EXOC2: variants seen among roughly 807,000 people sequenced by gnomAD.
The protein encoded by EXOC2 is SEC5-like 1.
In EXOC2, 70 loss-of-function variants were observed where a neutral mutation model predicts 131.8. The ratio of observed to expected loss-of-function variants is 0.53; its 90% CI spans 0.44 to 0.65. The LOEUF (loss-of-function observed/expected upper bound fraction) is 0.65. Ranked by LOEUF, EXOC2 falls within the 30% of genes least tolerant of loss-of-function variation. The pLI is 0.00. For missense variants in EXOC2, 923 were observed against 1,108.6 expected, an observed-to-expected ratio of 0.83 and a Z score of 2.38; for synonymous variants, 411 against 398.4, an observed-to-expected ratio of 1.03 and a Z score of -0.38.
chr6:637,465 C>T (rs2073006), intron 2 of EXOC2, among the ~76,000 whole-genome samples: 17,279 of 152,248 alleles, frequency 0.11, 1,191 homozygotes, highest in East Asian at 0.17. Context: ...CAAATCTCAG[C>T]CCTGGGAAAC....
chr6:614,639 CA>C (rs1760890179), intron 6 of EXOC2, among the ~76,000 whole-genome samples: 2 of 151,994 alleles, frequency 1.3e-5, no homozygotes, highest in African/African-American at 4.8e-5. Flanking sequence ...TCTAAACCAT[CA>C]AAAGTGACAA....
chr6:553,843 G>A lies in EXOC2; in HGVS notation c.2121+11C>T, dbSNP rs779457567. 1.8e-5 allele frequency: 29 copies of A among 1,609,358 alleles called. No homozygotes were observed. The highest frequency in any genetic ancestry group is 4.0e-5 in the African/African-American group (3 of 74,904). On this transcript the variant is annotated intron_variant, in intron 21 of 27. Coordinates refer to ENST00000230449, the MANE Select transcript of EXOC2 (RefSeq NM_018303.6). ...TAAAATGGTTTACTTTCTAGTTATC[G>A]TCTGACTTACTGAGGTCAAGCTGAA...
chr6:549,148 T>G lies in EXOC2; in HGVS notation c.2238+27A>C, dbSNP rs1243587027. The G allele has an allele frequency of 3.8e-6, 6 of 1,582,944 alleles. No homozygotes were observed. In the East Asian group the frequency reaches 1.1e-4, roughly 29 times the overall value. ...AAACTGAGCTGGTAAAACCACCGACTTGTGCGTTTTACATGAACTCGCTTA... is the reference window on the plus strand; with the variant it reads ...AAACTGAGCTGGTAAAACCACCGACGTGTGCGTTTTACATGAACTCGCTTA... On this transcript the variant is annotated intron_variant, in intron 22 of 27. Coordinates refer to ENST00000230449, the MANE Select transcript of EXOC2 (RefSeq NM_018303.6).
chr6:529,127 C>T (rs6938145), intron 23 of EXOC2, among the ~76,000 whole-genome samples: 2 of 146,504 alleles, frequency 1.4e-5, no homozygotes, highest in African/African-American at 5.0e-5. Flanking sequence ...CCCCCCCCCG[C>T]GCCCTGGTTA....
chr6:689,907 C>T (rs922308632), intron 1 of EXOC2, among the ~76,000 whole-genome samples: 3 of 152,180 alleles, frequency 2.0e-5, no homozygotes, highest in African/African-American at 7.2e-5. Flanking sequence ...CAGAGATAAT[C>T]TAACTGCATG....
intron 3 of EXOC2, among the ~76,000 whole-genome samples, chr6:632,550 G>T (rs994581634): frequency 6.6e-6 from 1 of 152,036 alleles, no homozygotes; most frequent in Non-Finnish European, 1.5e-5. Flanking sequence ...AAGGAAAAGG[G>T]AATATTATTT....
intron 1 of EXOC2, among the ~76,000 whole-genome samples, chr6:666,262 G>A (rs953799969): frequency 7.9e-5 from 12 of 152,160 alleles, no homozygotes; most frequent in African/African-American, 2.9e-4. Flanking sequence ...TCCAGCACTG[G>A]TATTTTCCTC....
chr6:686,767 C>T (rs1764674135), intron 1 of EXOC2, among the ~76,000 whole-genome samples: 1 of 152,224 alleles, frequency 6.6e-6, no homozygotes, highest in African/African-American at 2.4e-5. Flanking sequence ...AGGACTGTCA[C>T]TATGTTGCAC....
chr6:490,529 G>A (rs1763371569), intron 26 of EXOC2, among the ~76,000 whole-genome samples: 1 of 152,224 alleles, frequency 6.6e-6, no homozygotes, highest in African/African-American at 2.4e-5. Flanking sequence ...CATGTTATCA[G>A]ATGCTGGAAA....
chr6:647,789 A>C (rs148321110), intron 1 of EXOC2, among the ~76,000 whole-genome samples: 1 of 151,304 alleles, frequency 6.6e-6, no homozygotes, highest in African/African-American at 2.4e-5. Flanking sequence ...GGTCATTTAC[A>C]CAGGGCTCTT....
At chr6:572,742 C>T in intron 12 of EXOC2, 98 bp from the exon 13 acceptor site, 1 of 1,424,086 alleles carries the variant, frequency 7.0e-7, no homozygotes, top group South Asian at 1.3e-5. Flanking sequence ...CGCAAAACTC[C>T]AACATGCACT....
chr6:637,810 T>A lies in EXOC2; in HGVS notation c.9A>T (p.Arg3=). MS[R]SRQPPLVTGI... ...CGGTCACAAGGGGGGGTTGTCGTGATCGAGACATTGTGCTTTGTGGAGCAA... is the reference window on the plus strand; with the variant it reads ...CGGTCACAAGGGGGGGTTGTCGTGAACGAGACATTGTGCTTTGTGGAGCAA... The change falls in exon 2 of 28, where the codon CGA becomes CGT. Residue 3 remains arginine (R), a synonymous_variant. Coordinates refer to ENST00000230449, the MANE Select transcript of EXOC2 (RefSeq NM_018303.6). The A allele has an allele frequency of 6.2e-7, 1 of 1,613,720 alleles. No homozygotes were observed. The highest frequency in any genetic ancestry group is 8.5e-7 in the Non-Finnish European group (1 of 1,179,888).
At chr6:538,729 A>G (rs750713598) in intron 22 of EXOC2, among the ~76,000 whole-genome samples, 2 of 152,212 alleles carry the variant, frequency 1.3e-5, no homozygotes, top group Non-Finnish European at 2.9e-5. Context: ...ATGCGCATTC[A>G]GTATGTTCCC....
At chr6:556,615 AAG>A (rs1757433205) in intron 17 of EXOC2, 51 bp from the exon 18 acceptor site, 1 of 1,597,400 alleles carries the variant, frequency 6.3e-7, no homozygotes, top group Non-Finnish European at 8.6e-7. Context: ...ACTGGCTGTG[AAG>A]ACATGTTTAA....
chr6:502,662 T>G (rs1312947843), intron 23 of EXOC2, among the ~76,000 whole-genome samples: 1 of 151,154 alleles, frequency 6.6e-6, no homozygotes, highest in African/African-American at 2.4e-5. Context: ...CATATTTTTG[T>G]GGGCAGAAAA....
intron 22 of EXOC2, 121 bp from the exon 23 acceptor site, chr6:532,731 C>G (rs1581381199): frequency 2.0e-6 from 2 of 989,528 alleles, no homozygotes; most frequent in Non-Finnish European, 2.7e-6. Flanking sequence ...CCTACAAAAA[C>G]TCGTGACTTT....
chr6:571,655 C>T (rs1747595), intron 13 of EXOC2, among the ~76,000 whole-genome samples: 145,156 of 152,294 alleles, frequency 0.95, 69,279 homozygotes, highest in East Asian at 1. Context: ...TTAGCCTTTG[C>T]CCATGTCCAT....
At chr6:552,718 A>C (rs1757212061) in intron 21 of EXOC2, among the ~76,000 whole-genome samples, 1 of 152,144 alleles carries the variant, frequency 6.6e-6, no homozygotes, top group Admixed American at 6.5e-5. Flanking sequence ...TCATCCAAGG[A>C]ATTGAATCTA....
chr6:567,217 G>A (rs1266883018), intron 13 of EXOC2, among the ~76,000 whole-genome samples: 3 of 150,700 alleles, frequency 2.0e-5, no homozygotes, highest in Non-Finnish European at 4.4e-5. Flanking sequence ...GTCCCTCCCA[G>A]CCCTCCCACT....
Sources: allele counts gnomAD v4.1 joint callset (sites outside exome capture counted in the v4.1 genomes callset), GRCh38; gene constraint gnomAD v4.1.1; transcripts MANE v1.5; gene names NCBI Gene and HGNC (gene_info 2026-07-23, HGNC 2026-07-21).